Variants in SERPING1 observed in about 807,000 individuals in gnomAD.
SERPING1 encodes the protein plasma protease C1 inhibitor.
Under a neutral mutation model 34.1 loss-of-function variants are expected in SERPING1, and 5 were observed. That is an observed-to-expected ratio of 0.15 (90% CI 0.08 to 0.31). The LOEUF is 0.31. Ranked by LOEUF, SERPING1 falls within the 10% of genes least tolerant of loss-of-function variation. The pLI is 1.00. For synonymous variants in SERPING1, 225 were observed against 242.4 expected, an observed-to-expected ratio of 0.93 and a Z score of 0.67; for missense variants, 505 against 609.5, an observed-to-expected ratio of 0.83 and a Z score of 1.81.
In SERPING1 at chr11:57,606,180, C is replaced by T. The variant is rs1392305191; in HGVS notation, c.856C>T (p.Arg286Cys). 11 of 1,614,074 alleles carry T rather than the reference C, an allele frequency of 6.8e-6. No homozygotes were observed. In the South Asian group the frequency reaches 7.7e-5, roughly 11 times the overall value. Residue 286 changes from arginine (R) to cysteine (C), a missense_variant, in exon 5 of 8, where the codon CGC becomes TGC. By Grantham distance (180) the Arg-to-Cys change is radical. Transcript: ENST00000278407. ...RLLDSLPSDTRLVLLNAIYLS... is the reference protein window; with the variant it reads ...RLLDSLPSDTCLVLLNAIYLS... ...GCTAGACAGTCTGCCCTCCGATACC[C>T]GCCTTGTCCTCCTCAATGCTATCTA...
chr11:57,614,847 G>A lies in SERPING1; in HGVS notation c.*266G>A, dbSNP rs1029144990. On this transcript the variant is annotated 3_prime_UTR_variant, in exon 8 of 8. Coordinates refer to ENST00000278407, the MANE Select transcript of SERPING1 (RefSeq NM_000062.3). The stretch of plus-strand genomic sequence containing the variant: ...CTATAAATAAAACCTGACAGACCAT[G>A]ACTTTCTCTGCTTTGCCTTTGTTTT... The A allele has an allele frequency of 4.3e-6, 2 of 468,494 alleles. No individual in the cohort carries two copies. Among genetic ancestry groups the A allele is most frequent in the Non-Finnish European group, 3.8e-6 (1 of 265,216 alleles). 29.0% of individuals were successfully genotyped at this position (468,494 alleles called of 1,614,324 possible). A position where few individuals can be genotyped will look rare whatever the true frequency, so the allele number is the denominator to read the frequency against.
Position 57,614,500 on chromosome 11 carries a change from G to T in SERPING1, c.1422G>T (p.Gln474His). 1 of 1,614,074 alleles carries T rather than the reference G, an allele frequency of 6.2e-7. No individual in the cohort carries two copies. Among genetic ancestry groups the T allele is most frequent in the Non-Finnish European group, 8.5e-7 (1 of 1,179,992 alleles). The change falls in exon 8 of 8, where the codon CAG becomes CAT. Residue 474 changes from glutamine to histidine, a missense_variant. Physicochemically the swap from Gln to His is conservative, Grantham distance 24. Coordinates refer to ENST00000278407, the MANE Select transcript of SERPING1 (RefSeq NM_000062.3). The part of the protein sequence containing the change: ...VARTLLVFEV[Q>H]QPFLFVLWDQ... The stretch of plus-strand genomic sequence containing the variant: ...GCACCCTGCTGGTCTTTGAAGTGCA[G>T]CAGCCCTTCCTCTTCGTGCTCTGGG...
chr11:57,604,218 CA>C (rs905427658), intron 4 of SERPING1, among the ~76,000 whole-genome samples: 1 of 151,472 alleles, frequency 6.6e-6, no homozygotes, highest in African/African-American at 2.4e-5. Context: ...ATAAAATAGA[CA>C]AAAAATTTTT....
chr11:57,597,989 C>T (rs929018405), intron 1 of SERPING1: 9 of 501,800 alleles, frequency 1.8e-5, no homozygotes, highest in Admixed American at 6.7e-5. Flanking sequence ...CCTCCCACCA[C>T]CTCCCCTCCG....
Position 57,600,216 on chromosome 11 carries a change from G to A in SERPING1, c.389G>A (p.Cys130Tyr). 1 of 1,613,206 alleles carries A rather than the reference G, an allele frequency of 6.2e-7. No homozygotes were observed. Among genetic ancestry groups the A allele is most frequent in the South Asian group, 1.1e-5 (1 of 91,068 alleles). The change falls in exon 3 of 8, where the codon TGC becomes TAC. Residue 130 changes from cysteine (C) to tyrosine (Y), a missense_variant. By Grantham distance (194) the Cys-to-Tyr change is radical. Coordinates refer to ENST00000278407, the MANE Select transcript of SERPING1 (RefSeq NM_000062.3). The part of the protein sequence containing the change: ...GSFCPGPVTL[C>Y]SDLESHSTEA... ...TTCTGCCCAGGACCTGTTACTCTCT[G>A]CTCTGACTTGGAGAGTCATTCAACA...
rs980974354 is a variant in SERPING1, at chr11:57,609,304, T to A, written c.1030-2413T>A. On this transcript the variant is annotated intron_variant, in intron 6 of 7. Coordinates refer to ENST00000278407, the MANE Select transcript of SERPING1 (RefSeq NM_000062.3). ...AAACACAAAAAAAGAATAGGCTGGG[T>A]ACAGTGGCTCACGCCTGTAATCCCA... Among the ~76,000 whole-genome samples the A allele has an allele frequency of 3.3e-5, 5 of 149,966 alleles. No homozygotes were observed. In the South Asian group the frequency reaches 8.6e-4, roughly 26 times the overall value.
At chr11:57,605,716 T>G (rs577001425) in intron 4 of SERPING1, 1 of 430,552 alleles carries the variant, frequency 2.3e-6, no homozygotes, top group East Asian at 4.8e-5. Context: ...AGAGGGAAAA[T>G]CTAGGCAAAT....
intron 7 of SERPING1, among the ~76,000 whole-genome samples, chr11:57,613,673 T>TA (rs1945505197): frequency 6.6e-6 from 1 of 152,166 alleles, no homozygotes; most frequent in Admixed American, 6.6e-5. Flanking sequence ...CCCTGTACTT[T>TA]AGGAGAAGTC....
In SERPING1 at chr11:57,614,567, G is replaced by A. The variant is rs1290828029; in HGVS notation, c.1489G>A (p.Asp497Asn). 7 of 1,613,686 alleles carry A rather than the reference G, an allele frequency of 4.3e-6. No homozygotes were observed. Among genetic ancestry groups the A allele is most frequent in the Non-Finnish European group, 5.9e-6 (7 of 1,180,014 alleles). Residue 497 changes from aspartate (D) to asparagine (N), a missense_variant, in exon 8 of 8, where the codon GAC becomes AAC. Asp to Asn is a conservative substitution (Grantham distance 23). Coordinates refer to ENST00000278407, the MANE Select transcript of SERPING1 (RefSeq NM_000062.3). ...KFPVFMGRVY[D>N]PRA ...CCCTGTCTTCATGGGGCGAGTATAT[G>A]ACCCCAGGGCCTGAGACCTGCAGGA...
At chr11:57,605,943 C>T in intron 4 of SERPING1, 67 bp from the exon 5 acceptor site, 1 of 1,407,496 alleles carries the variant, frequency 7.1e-7, no homozygotes. Flanking sequence ...TGCTCACTCT[C>T]AAATCGTGCT....
At chr11:57,608,888 A>C (rs1164475956) in intron 6 of SERPING1, among the ~76,000 whole-genome samples, 1 of 151,334 alleles carries the variant, frequency 6.6e-6, no homozygotes, top group Non-Finnish European at 1.5e-5. Context: ...AGAGTTCCTT[A>C]GGTTTTAAAC....
chr11:57,604,057 G>C (rs560377803), intron 4 of SERPING1, among the ~76,000 whole-genome samples: 1 of 151,158 alleles, frequency 6.6e-6, no homozygotes, highest in African/African-American at 2.4e-5. Flanking sequence ...ACTTCAACCT[G>C]GGAGACAGAG....
At position 57,600,222 on chromosome 11, in the gene SERPING1, A is replaced by G. The variant is rs1347779143; in HGVS notation, c.395A>G (p.Asp132Gly). The stretch of plus-strand genomic sequence containing the variant: ...CCAGGACCTGTTACTCTCTGCTCTG[A>G]CTTGGAGAGTCATTCAACAGAGGCC... ...FCPGPVTLCS[D>G]LESHSTEAVL... Residue 132 changes from aspartate to glycine, a missense_variant, in exon 3 of 8, where the codon GAC becomes GGC. Transcript: ENST00000278407. The G allele has an allele frequency of 1.2e-6, 2 of 1,613,586 alleles. No homozygotes were observed. The highest frequency in any genetic ancestry group is 1.7e-6 in the Non-Finnish European group (2 of 1,179,986).
At chr11:57,602,362 C>G (rs139804937) in intron 4 of SERPING1, among the ~76,000 whole-genome samples, 193 bp downstream of exon 4, 1 of 152,242 alleles carries the variant, frequency 6.6e-6, no homozygotes, top group African/African-American at 2.4e-5. Context: ...TCTAATGAGA[C>G]CTTAGACAAG....
At chr11:57,606,338 C>T in intron 5 of SERPING1, 70 bp from the exon 6 acceptor site, 1 of 1,603,192 alleles carries the variant, frequency 6.2e-7, no homozygotes, top group Non-Finnish European at 8.5e-7. Context: ...TCTTTGCTAA[C>T]AAGGCTTTTA....
At chr11:57,600,640 A>C (rs1945338013) in intron 3 of SERPING1, among the ~76,000 whole-genome samples, 2 of 152,202 alleles carry the variant, frequency 1.3e-5, no homozygotes, top group South Asian at 4.1e-4. Flanking sequence ...ACCATGTTTC[A>C]TGGCAAGGAG....
At chr11:57,614,133 A>G (rs1945509130) in intron 7 of SERPING1, among the ~76,000 whole-genome samples, 195 bp from the exon 8 acceptor site, 1 of 151,980 alleles carries the variant, frequency 6.6e-6, no homozygotes, top group Admixed American at 6.6e-5. Context: ...ACCTTGAGAG[A>G]GAGTGGCAGT....
intron 6 of SERPING1, 148 bp downstream of exon 6, chr11:57,606,695 C>T: frequency 1.1e-6 from 1 of 893,508 alleles, no homozygotes; most frequent in Non-Finnish European, 1.9e-6. Context: ...ATCTTTTCTC[C>T]TTCTCCTTTC....
chr11:57,614,207 A>C, intron 7 of SERPING1, 121 bp from the exon 8 acceptor site: 3 of 1,306,344 alleles, frequency 2.3e-6, no homozygotes, highest in Non-Finnish European at 3.3e-6. Context: ...TCTGGCAAAC[A>C]AGGGAAGAGG....
Sources: allele counts gnomAD v4.1 joint callset (sites outside exome capture counted in the v4.1 genomes callset), GRCh38; gene constraint gnomAD v4.1.1; transcripts MANE v1.5; gene names NCBI Gene and HGNC (gene_info 2026-07-23, HGNC 2026-07-21).